The following NSD1 variants were observed in gnomAD, a reference collection of about 807,000 sequenced individuals.
NSD1 encodes the protein histone-lysine N-methyltransferase, H3 lysine-36 specific.
NSD1 carries 26 observed loss-of-function variants against 242.7 expected under a neutral mutation model. The ratio of observed to expected loss-of-function variants is 0.11; its 90% CI spans 0.08 to 0.15. NSD1 has a LOEUF of 0.15. Ranked by LOEUF, NSD1 falls within the 10% of genes least tolerant of loss-of-function variation. NSD1 has a pLI of 1.00. For synonymous variants in NSD1, 1,106 were observed against 1,178.1 expected (o/e 0.94, Z 1.25); for missense variants, 2,495 against 3,272.8 (o/e 0.76, Z 5.80).
At position 177,202,687 on chromosome 5, in the gene NSD1, G is replaced by GTA. The variant is rs1458159415; in HGVS notation, c.1064-1431_1064-1430dup. Reference sequence around the variant, plus strand: ...AGCCCCTACACCTGGCCAGTTCAATGTATTGACTCATGGGAGAGTGATTTA... The same window carrying GTA: ...AGCCCCTACACCTGGCCAGTTCAATGTATATTGACTCATGGGAGAGTGATTTA... On this transcript the variant is annotated intron_variant, in intron 3 of 22. Coordinates refer to ENST00000439151, the MANE Select transcript of NSD1 (RefSeq NM_022455.5). Among the ~76,000 whole-genome samples the GTA allele has an allele frequency of 2.0e-5, 3 of 152,248 alleles. No homozygotes were observed. The East Asian group carries it at 5.8e-4, about 29-fold the overall frequency.
At chr5:177,163,157 T>TG (rs1207633910) in intron 2 of NSD1, among the ~76,000 whole-genome samples, 1 of 151,684 alleles carries the variant, frequency 6.6e-6, no homozygotes, top group Non-Finnish European at 1.5e-5. Flanking sequence ...TTTTTTTTTT[T>TG]TTTGAGACGG....
chr5:177,278,335 T>G (rs1359835934), intron 17 of NSD1, among the ~76,000 whole-genome samples: 1 of 152,148 alleles, frequency 6.6e-6, no homozygotes, highest in African/African-American at 2.4e-5. Flanking sequence ...GTCTTGAACT[T>G]CTGGGCTCAA....
intron 17 of NSD1, among the ~76,000 whole-genome samples, chr5:177,276,727 C>T (rs1332320676): frequency 6.6e-6 from 1 of 152,054 alleles, no homozygotes; most frequent in African/African-American, 2.4e-5. Flanking sequence ...ACGTTGGCCT[C>T]CCAAATTACT....
rs943812456 is a variant in NSD1, at chr5:177,221,316, T to C, written c.3796+9121T>C. Among the ~76,000 whole-genome samples the C allele has an allele frequency of 5.9e-5, 9 of 152,170 alleles. No individual in the cohort carries two copies. In the South Asian group the frequency reaches 1.7e-3, roughly 28 times the overall value. On this transcript the variant is annotated intron_variant, in intron 5 of 22. Coordinates refer to ENST00000439151, the MANE Select transcript of NSD1 (RefSeq NM_022455.5). ...CTTGTTTTTTGTTTTTTTTTTTAAT[T>C]GACATACTTTGTTTTCTTTATCATT... is the stretch of plus-strand genomic sequence containing the variant.
At chr5:177,169,533 CA>C in intron 2 of NSD1, 2 of 168,740 alleles carry the variant, frequency 1.2e-5, no homozygotes, top group Admixed American at 6.2e-5. Flanking sequence ...GCCTGCTTCG[CA>C]AAACTTCTTG....
intron 13 of NSD1, 111 bp downstream of exon 13, chr5:177,257,262 G>A (rs1331539298): frequency 1.9e-5 from 18 of 928,096 alleles, no homozygotes; most frequent in Middle Eastern, 2.8e-4. Context: ...ACAGAGTCTC[G>A]CTGTGTTGCC....
Position 177,295,432 on chromosome 5 carries a change from C to T in NSD1, c.8064C>T (p.His2688=). 2.5e-6 allele frequency: 4 copies of T among 1,614,148 alleles called. No homozygotes were observed. Among genetic ancestry groups the T allele is most frequent in the Non-Finnish European group, 3.4e-6 (4 of 1,179,990 alleles). ...LPALNQAPSS[H]KCAESEQK is the part of the protein sequence containing the mutation. ...CTCTTAACCAGGCTCCTTCCAGTCACAAGTGTGCAGAATCAGAACAGAAGT... is the reference window on the plus strand; with the variant it reads ...CTCTTAACCAGGCTCCTTCCAGTCATAAGTGTGCAGAATCAGAACAGAAGT... The change falls in exon 23 of 23, where the codon CAC becomes CAT. Residue 2688 remains histidine, a synonymous_variant. Coordinates refer to ENST00000439151, the MANE Select transcript of NSD1 (RefSeq NM_022455.5). This position sits in a 1 kb window ranked among gnomAD's most constrained non-coding sequence, Gnocchi z 4.3.
rs140719274 is a variant in NSD1, at chr5:177,246,737, A to G, written c.4438A>G (p.Lys1480Glu). Residue 1480 changes from lysine to glutamate, a missense_variant, in exon 10 of 23, where the codon AAG (lysine) becomes GAG (glutamate). Coordinates refer to ENST00000439151, the MANE Select transcript of NSD1 (RefSeq NM_022455.5). Reference protein sequence around the residue: ...KRKRQRHAAAKMQCKKVKNDD... With the variant: ...KRKRQRHAAAEMQCKKVKNDD... Reference sequence around the variant, plus strand: ...AAAACGACAGAGGCATGCTGCAGCCAAGATGCAGTGTAAAAAAGTGAAAAA... The same window carrying G: ...AAAACGACAGAGGCATGCTGCAGCCGAGATGCAGTGTAAAAAAGTGAAAAA... 5 of 1,614,070 alleles carry G rather than the reference A, an allele frequency of 3.1e-6. No homozygotes were observed. The African/African-American group carries it at 6.7e-5, about 22-fold the overall frequency.
Position 177,260,023 on chromosome 5 carries a change from A to C in NSD1, c.5001A>C (p.Ala1667=), listed in dbSNP as rs1194825639. 3 of 1,614,036 alleles carry C rather than the reference A, an allele frequency of 1.9e-6. No individual in the cohort carries two copies. Among genetic ancestry groups the C allele is most frequent in the Non-Finnish European group, 2.5e-6 (3 of 1,180,044 alleles). ...RLMRCVRCPV[A]YHANDFCLAA... Reference sequence around the variant, plus strand: ...TGCGCTGTGTCCGCTGTCCTGTGGCATACCACGCCAATGACTTTTGCCTGG... The same window carrying C: ...TGCGCTGTGTCCGCTGTCCTGTGGCCTACCACGCCAATGACTTTTGCCTGG... The change falls in exon 14 of 23, where the codon GCA becomes GCC. Residue 1667 remains alanine, a synonymous_variant. Transcript: ENST00000439151.
intron 16 of NSD1, among the ~76,000 whole-genome samples, chr5:177,270,671 G>A (rs1044924886): frequency 6.6e-6 from 1 of 152,194 alleles, no homozygotes; most frequent in Admixed American, 6.5e-5. Context: ...AGGAGCATCT[G>A]TGTAAGACTT....
upstream of NSD1, among the ~76,000 whole-genome samples, chr5:177,131,999 G>C (rs543970240): frequency 6.6e-6 from 1 of 152,360 alleles, no homozygotes; most frequent in South Asian, 2.1e-4. Context: ...AAGGGCCCGA[G>C]GGGCTGGAGT....
intron 5 of NSD1, among the ~76,000 whole-genome samples, chr5:177,223,239 G>T (rs1232174159): frequency 6.6e-6 from 1 of 151,718 alleles, no homozygotes; most frequent in Non-Finnish European, 1.5e-5. Context: ...GCGCCAGCAC[G>T]TCTGGCTAAT....
chr5:177,218,024 C>T (rs1763922740), intron 5 of NSD1, among the ~76,000 whole-genome samples: 1 of 152,068 alleles, frequency 6.6e-6, no homozygotes, highest in South Asian at 2.1e-4. Flanking sequence ...GCAATACTCC[C>T]ACCTTGACCT....
At chr5:177,132,142 G>A (rs1178491802), upstream of NSD1, among the ~76,000 whole-genome samples, 1 of 152,152 alleles carries the variant, frequency 6.6e-6, no homozygotes, top group African/African-American at 2.4e-5. This position sits in a 1 kb window ranked among gnomAD's most constrained non-coding sequence, Gnocchi z 7.5. Flanking sequence ...CCCAGGCCGA[G>A]GGCTGCGCCA....
chr5:177,152,325 G>C (rs1199711917), intron 2 of NSD1, among the ~76,000 whole-genome samples: 1 of 142,374 alleles, frequency 7.0e-6, no homozygotes, highest in East Asian at 2.0e-4. Context: ...GTGTGTGTAT[G>C]TATGTATGTA....
intron 11 of NSD1, among the ~76,000 whole-genome samples, chr5:177,248,791 G>GC (rs1436251046): frequency 1.3e-5 from 2 of 152,058 alleles, no homozygotes; most frequent in African/African-American, 4.8e-5. Flanking sequence ...ATGAAGTATT[G>GC]TTCCAAGCAC....
At chr5:177,207,597 T>A (rs1762989635) in intron 4 of NSD1, among the ~76,000 whole-genome samples, 2 of 131,856 alleles carry the variant, frequency 1.5e-5, no homozygotes, top group African/African-American at 5.8e-5. Flanking sequence ...ATTTAAATTT[T>A]TTTTTTTTTT....
chr5:177,270,154 A>AGTCTTGTCTTGTCTT (rs35874885), intron 16 of NSD1, among the ~76,000 whole-genome samples: 4,886 of 150,526 alleles, frequency 0.032, 86 homozygotes, highest in Middle Eastern at 0.045. Context: ...TGCTCCAAGG[A>AGTCTTGTCTTGTCTT]GTCTTGTCTT....
chr5:177,158,998 T>TTATATATATATATATATATGAATGATA (rs1554173201), intron 2 of NSD1, among the ~76,000 whole-genome samples: 24 of 122,596 alleles, frequency 2.0e-4, no homozygotes, highest in African/African-American at 8.4e-4. Context: ...ATGAATGATT[T>TTATATATATATATATATATGAATGATA]TATATATATA....
Sources: allele counts gnomAD v4.1 joint callset (sites outside exome capture counted in the v4.1 genomes callset), GRCh38; gene constraint gnomAD v4.1.1; non-coding constraint Gnocchi (gnomAD v3.1); transcripts MANE v1.5; gene names NCBI Gene and HGNC (gene_info 2026-07-23, HGNC 2026-07-21).